The following SEC14L1 variants were observed in gnomAD, a reference collection of about 807,000 sequenced individuals.
SEC14L1 encodes SEC14-like protein 1.
Under a neutral mutation model 85.3 loss-of-function variants are expected in SEC14L1, and 48 were observed. That is an observed-to-expected ratio of 0.56 (90% CI 0.45 to 0.72). The LOEUF (loss-of-function observed/expected upper bound fraction) is 0.72, where lower values mean the gene tolerates loss of function less well. Ranked by LOEUF, SEC14L1 falls within the 30% of genes least tolerant of loss-of-function variation. SEC14L1 has a pLI of 0.00. For synonymous variants in SEC14L1, 391 were observed against 355.5 expected (o/e 1.10, Z -1.12); for missense variants, 682 against 921.4 (o/e 0.74, Z 3.36).
intron 3 of SEC14L1, among the ~76,000 whole-genome samples, chr17:77,179,118 A>C (rs558193507): frequency 6.6e-6 from 1 of 152,306 alleles, no homozygotes; most frequent in South Asian, 2.1e-4. Flanking sequence ...GAATGGAAGA[A>C]GCTCCGATGG....
chr17:77,169,562 C>T (rs1372465210), intron 3 of SEC14L1, among the ~76,000 whole-genome samples: 4 of 152,186 alleles, frequency 2.6e-5, no homozygotes, highest in African/African-American at 4.8e-5. Context: ...GCCAGGCATT[C>T]GCATCTTGGT....
intron 13 of SEC14L1, among the ~76,000 whole-genome samples, chr17:77,207,222 C>G (rs1976507121): frequency 6.7e-6 from 1 of 150,314 alleles, no homozygotes; most frequent in Admixed American, 6.7e-5. Context: ...CAAAATTTCC[C>G]ACCCGCCCCT....
chr17:77,146,990 G>C (rs1192518929), intron 3 of SEC14L1, among the ~76,000 whole-genome samples: 1 of 152,188 alleles, frequency 6.6e-6, no homozygotes, highest in Non-Finnish European at 1.5e-5. Flanking sequence ...TGAGGAAAGA[G>C]GTATATATGC....
chr17:77,120,954 G>A (rs531440910), intron 3 of SEC14L1, among the ~76,000 whole-genome samples: 72 of 152,308 alleles, frequency 4.7e-4, no homozygotes, highest in Non-Finnish European at 9.7e-4. Context: ...TGTTATCGTG[G>A]GTTGTGGCAG....
In SEC14L1 at chr17:77,216,305, AGTAG is replaced by A. The variant is rs1480299460; in HGVS notation, c.*2288_*2291del. ...GTAGGTAGGGTTCGTAGGTAGGGCT[AGTAG>A]GTAGGGCTAGTAGGTAGGGCTAGTA... On this transcript the variant is annotated 3_prime_UTR_variant, in exon 17 of 17. Coordinates refer to ENST00000436233, the MANE Select transcript of SEC14L1 (RefSeq NM_001143998.2). The A allele has an allele frequency of 7.1e-6, 7 of 979,100 alleles. No homozygotes were observed. The highest frequency in any genetic ancestry group is 8.8e-6 in the Non-Finnish European group (7 of 796,194). 60.7% of individuals were successfully genotyped at this position (979,100 alleles called of 1,614,324 possible). A position where few individuals can be genotyped will look rare whatever the true frequency, so the allele number is the denominator to read the frequency against.
rs1038606341 is a variant in SEC14L1, at chr17:77,164,930, A to G, written c.63+21271A>G. 7.2e-5 allele frequency among the ~76,000 whole-genome samples: 11 copies of G among 152,298 alleles called. No homozygotes were observed. The South Asian group carries it at 8.3e-4, about 11-fold the overall frequency. On this transcript the variant is annotated intron_variant, in intron 3 of 16. Coordinates refer to ENST00000436233, the MANE Select transcript of SEC14L1 (RefSeq NM_001143998.2). ...ATTCAGGCCACAATGGAGCTGAGCA[A>G]TTCGCTTCCTGACATGAATTCTTTC...
At chr17:77,202,928 T>TAA (rs1452299295) in intron 9 of SEC14L1, among the ~76,000 whole-genome samples, 4 of 82,996 alleles carry the variant, frequency 4.8e-5, no homozygotes, top group Admixed American at 3.8e-4. Context: ...CTAAAAAAAA[T>TAA]AAAAAAATAA....
chr17:77,147,247 T>C (rs1201823690), intron 3 of SEC14L1, among the ~76,000 whole-genome samples: 3 of 152,180 alleles, frequency 2.0e-5, no homozygotes, highest in African/African-American at 7.2e-5. Context: ...TGTAATTTAG[T>C]ATTGCCGGAA....
At chr17:77,135,034 G>A (rs538059796) in intron 3 of SEC14L1, among the ~76,000 whole-genome samples, 62 of 152,260 alleles carry the variant, frequency 4.1e-4, no homozygotes, top group African/African-American at 1.4e-3. Context: ...CTGAAGCCTG[G>A]TGAATTCATG....
intron 7 of SEC14L1, 39 bp downstream of exon 7, chr17:77,194,950 G>A: frequency 6.6e-7 from 1 of 1,512,820 alleles, no homozygotes; most frequent in Non-Finnish European, 9.2e-7. Flanking sequence ...AGCAAGGCTA[G>A]GGAAGTCGGC....
intron 3 of SEC14L1, among the ~76,000 whole-genome samples, chr17:77,117,011 C>T (rs143962374): frequency 3.7e-4 from 57 of 152,292 alleles, no homozygotes; most frequent in East Asian, 3.5e-3. Flanking sequence ...AGTTGAGTTC[C>T]ATTTACCCAA....
At chr17:77,089,301 G>C (rs370178436) in intron 2 of SEC14L1, 2 of 487,276 alleles carry the variant, frequency 4.1e-6, no homozygotes, top group African/African-American at 2.0e-5. Flanking sequence ...AAAGTGTTCA[G>C]GTCAGACGGT....
intron 3 of SEC14L1, among the ~76,000 whole-genome samples, chr17:77,104,277 C>T (rs112104416): frequency 0.25 from 37,752 of 150,252 alleles, 5,088 homozygotes; most frequent in African/African-American, 0.33. Flanking sequence ...GTGCCTGCCA[C>T]CACGCCCAGC....
In SEC14L1 at chr17:77,200,619, C is replaced by T. The variant is rs779719698; in HGVS notation, c.955C>T (p.Pro319Ser). ...AGACTACATTCTTGAAACCTGGACCCCTCCTCAGGTCCTTCAGGATTACTA... is the reference window on the plus strand; with the variant it reads ...AGACTACATTCTTGAAACCTGGACCTCTCCTCAGGTCCTTCAGGATTACTA... ...QVDYILETWT[P>S]PQVLQDYYAG... The change falls in exon 9 of 17, where the codon CCT (proline) becomes TCT (serine). Residue 319 changes from proline (P) to serine (S), a missense_variant. By Grantham distance (74) the Pro-to-Ser change is moderately conservative (BLOSUM62 -1). Transcript: ENST00000436233. 6.2e-7 allele frequency: 1 copy of T among 1,614,056 alleles called. No individual in the cohort carries two copies. The highest frequency in any genetic ancestry group is 1.1e-5 in the South Asian group (1 of 91,064).
Position 77,212,220 on chromosome 17 carries a change from C to T in SEC14L1, c.1863+19C>T. Reference sequence around the variant, plus strand: ...CGTGCAGGTAAAATCACACACAGGTCAAATCGCGCATCCGTGACTCCACAC... The same window carrying T: ...CGTGCAGGTAAAATCACACACAGGTTAAATCGCGCATCCGTGACTCCACAC... On this transcript the variant is annotated intron_variant, in intron 15 of 16. Coordinates refer to ENST00000436233, the MANE Select transcript of SEC14L1 (RefSeq NM_001143998.2). 1 of 1,610,914 alleles carries T rather than the reference C, an allele frequency of 6.2e-7. No individual in the cohort carries two copies. Among genetic ancestry groups the T allele is most frequent in the Non-Finnish European group, 8.5e-7 (1 of 1,178,262 alleles).
rs541291342 is a variant in SEC14L1 at position 77,191,898 on chromosome 17, G to A, written c.345+586G>A. The stretch of plus-strand genomic sequence containing the variant: ...TGCAACCTCTGCCTCCCAGGTTCAA[G>A]TTATTCTCATTCCCCAGCCTCCCAA... On this transcript the variant is annotated intron_variant, in intron 5 of 16. Transcript: ENST00000436233. Among the ~76,000 whole-genome samples, 19 of 151,784 alleles carry A rather than the reference G, an allele frequency of 1.3e-4. No homozygotes were observed. In the East Asian group the frequency reaches 3.7e-3, roughly 29 times the overall value.
chr17:77,189,863 C>T (rs1975442773), intron 3 of SEC14L1, among the ~76,000 whole-genome samples: 1 of 152,192 alleles, frequency 6.6e-6, no homozygotes, highest in Non-Finnish European at 1.5e-5. Context: ...CTCCTGACCT[C>T]ATGATCTGCC....
intron 3 of SEC14L1, among the ~76,000 whole-genome samples, chr17:77,133,938 C>CAA (rs539944837): frequency 0.14 from 12,660 of 93,444 alleles, 1,278 homozygotes; most frequent in East Asian, 0.26. Flanking sequence ...GACTCCATCT[C>CAA]AAAAAAAAAA....
chr17:77,122,340 T>C (rs1170251682), intron 3 of SEC14L1, among the ~76,000 whole-genome samples: 1 of 151,846 alleles, frequency 6.6e-6, no homozygotes, highest in Non-Finnish European at 1.5e-5. Context: ...TCTCACTCTG[T>C]CACCCAGGCT....
Sources: allele counts gnomAD v4.1 joint callset (sites outside exome capture counted in the v4.1 genomes callset), GRCh38; gene constraint gnomAD v4.1.1; transcripts MANE v1.5; gene names NCBI Gene and HGNC (gene_info 2026-07-23, HGNC 2026-07-21).